LRRC4C: variants seen among roughly 807,000 people sequenced by gnomAD.
LRRC4C encodes the protein leucine rich repeat containing 4C.
In LRRC4C, 5 loss-of-function variants were observed where a neutral mutation model predicts 33.6. That is an observed-to-expected ratio of 0.15 (90% confidence interval 0.08 to 0.31). The LOEUF (loss-of-function observed/expected upper bound fraction) is 0.31. LRRC4C is among the 10% of genes least tolerant of loss of function. LRRC4C has a pLI of 1.00. For missense variants in LRRC4C, 560 were observed against 796.7 expected, an observed-to-expected ratio of 0.70 and a Z score of 3.58; for synonymous variants, 329 against 302.0, an observed-to-expected ratio of 1.09 and a Z score of -0.93.
intron 1 of LRRC4C, among the ~76,000 whole-genome samples, chr11:40,992,816 A>G (rs1203039472): frequency 1.3e-5 from 2 of 152,178 alleles, no homozygotes; most frequent in Non-Finnish European, 2.9e-5. Flanking sequence ...TCCTCATAAC[A>G]ATATTGAGCA....
At chr11:41,291,131 T>A in intron 1 of LRRC4C, among the ~76,000 whole-genome samples, 1 of 152,248 alleles carries the variant, frequency 6.6e-6, no homozygotes, top group East Asian at 1.9e-4. Flanking sequence ...TGGCAAAGTA[T>A]AACTTTTAAA....
At chr11:40,186,158 T>C (rs1327323246) in intron 5 of LRRC4C, among the ~76,000 whole-genome samples, 1 of 152,176 alleles carries the variant, frequency 6.6e-6, no homozygotes, top group Non-Finnish European at 1.5e-5. Flanking sequence ...CAATAATCTA[T>C]TGAGTGATTT....
intron 2 of LRRC4C, among the ~76,000 whole-genome samples, chr11:40,658,869 C>A (rs1426265747): frequency 6.6e-6 from 1 of 152,170 alleles, no homozygotes; most frequent in Non-Finnish European, 1.5e-5. Flanking sequence ...CAGTGACAGC[C>A]CATCTGCAAT....
intron 2 of LRRC4C, among the ~76,000 whole-genome samples, chr11:40,885,166 A>C: frequency 6.6e-6 from 1 of 152,226 alleles, no homozygotes; most frequent in Admixed American, 6.6e-5. Flanking sequence ...ATCACAAATA[A>C]ATTTATTGCT....
At chr11:40,161,901 C>T (rs982391068) in intron 5 of LRRC4C, among the ~76,000 whole-genome samples, 6 of 152,068 alleles carry the variant, frequency 3.9e-5, no homozygotes, top group Non-Finnish European at 4.4e-5. Flanking sequence ...GAAGGGGTAA[C>T]GTCTTAGTCC....
intron 3 of LRRC4C, among the ~76,000 whole-genome samples, chr11:40,503,311 A>C (rs997492934): frequency 6.6e-6 from 1 of 152,210 alleles, no homozygotes; most frequent in Non-Finnish European, 1.5e-5. Flanking sequence ...CACAGTGTTC[A>C]TGCTATTTTC....
At chr11:40,870,574 A>T (rs1352635306) in intron 2 of LRRC4C, among the ~76,000 whole-genome samples, 2 of 152,182 alleles carry the variant, frequency 1.3e-5, no homozygotes, top group East Asian at 3.8e-4. Context: ...ATAATTTCTT[A>T]CACCTGTCTT....
At chr11:40,770,906 C>G (rs1005771117) in intron 2 of LRRC4C, among the ~76,000 whole-genome samples, 1 of 152,134 alleles carries the variant, frequency 6.6e-6, no homozygotes, top group East Asian at 1.9e-4. Flanking sequence ...TACAACCCCC[C>G]CTCCCAGCTG....
rs569747467 is a variant in LRRC4C, at chr11:40,736,821, G to T, written c.-406-88543C>A. ...CCACATAAATGTCATCTTTTGAGAA[G>T]TGTCTGTTCATATACTTTGCCCACT... On this transcript the variant is annotated intron_variant, in intron 2 of 6. Transcript: ENST00000528697. Among the ~76,000 whole-genome samples, 28 of 150,422 alleles carry T rather than the reference G, an allele frequency of 1.9e-4. No individual in the cohort carries two copies. The South Asian group carries it at 3.1e-3, about 17-fold the overall frequency.
At chr11:41,061,725 G>A (rs1937780882) in intron 1 of LRRC4C, among the ~76,000 whole-genome samples, 1 of 152,180 alleles carries the variant, frequency 6.6e-6, no homozygotes, top group African/African-American at 2.4e-5. Flanking sequence ...ATACTATCAT[G>A]GGCAGCACAT....
intron 1 of LRRC4C, among the ~76,000 whole-genome samples, chr11:41,088,804 C>T (rs942823275): frequency 1.3e-5 from 2 of 151,990 alleles, no homozygotes; most frequent in Non-Finnish European, 2.9e-5. Flanking sequence ...CTGAAAGAGA[C>T]TATCCACAAA....
intron 5 of LRRC4C, among the ~76,000 whole-genome samples, chr11:40,178,614 C>T (rs767942398): frequency 6.6e-6 from 1 of 152,214 alleles, no homozygotes; most frequent in Non-Finnish European, 1.5e-5. Context: ...CCCTTCTCCA[C>T]CCTGTTAAGA....
intron 3 of LRRC4C, among the ~76,000 whole-genome samples, chr11:40,358,373 G>A (rs996679518): frequency 5.3e-5 from 8 of 151,856 alleles, no homozygotes; most frequent in South Asian, 2.1e-4. Context: ...CTTCACCTCC[G>A]GGGCTTAAGC....
At chr11:40,121,423 G>A (rs1855816886) in intron 6 of LRRC4C, among the ~76,000 whole-genome samples, 1 of 152,068 alleles carries the variant, frequency 6.6e-6, no homozygotes, top group African/African-American at 2.4e-5. Flanking sequence ...TCAACAAAAG[G>A]TTTTTTACTT....
chr11:41,243,340 A>T (rs1219626981), intron 1 of LRRC4C, among the ~76,000 whole-genome samples: 1 of 152,226 alleles, frequency 6.6e-6, no homozygotes, highest in African/African-American at 2.4e-5. Flanking sequence ...GAATAGAAAC[A>T]CATATTTTGT....
At chr11:41,338,891 T>C (rs892921635) in intron 1 of LRRC4C, among the ~76,000 whole-genome samples, 8 of 152,034 alleles carry the variant, frequency 5.3e-5, no homozygotes, top group Admixed American at 5.2e-4. Flanking sequence ...TAGATTCAGA[T>C]TTTTTTCTGT....
chr11:41,216,477 G>A (rs4082453), intron 1 of LRRC4C, among the ~76,000 whole-genome samples: 25,190 of 150,804 alleles, frequency 0.17, 2,212 homozygotes, highest in Middle Eastern at 0.24. Context: ...AAAAAAAAAG[G>A]TAGGTAGAAA....
At chr11:40,779,914 T>A (rs11036075) in intron 2 of LRRC4C, among the ~76,000 whole-genome samples, 2,781 of 152,282 alleles carry the variant, frequency 0.018, 91 homozygotes, top group African/African-American at 0.062. Flanking sequence ...TATAAATGGT[T>A]GTACCAATTT....
chr11:40,853,278 G>A (rs1953602401), intron 2 of LRRC4C, among the ~76,000 whole-genome samples: 1 of 151,594 alleles, frequency 6.6e-6, no homozygotes, highest in East Asian at 1.9e-4. Flanking sequence ...ATATTTTAAA[G>A]TATCATCTTT....
Sources: allele counts gnomAD v4.1 joint callset (sites outside exome capture counted in the v4.1 genomes callset), GRCh38; gene constraint gnomAD v4.1.1; transcripts MANE v1.5; gene names NCBI Gene and HGNC (gene_info 2026-07-23, HGNC 2026-07-21).